Variants in FKTN observed in about 807,000 individuals in gnomAD.
The protein encoded by FKTN is fukutin.
Under a neutral mutation model 58.6 loss-of-function variants are expected in FKTN, and 47 were observed. The ratio of observed to expected loss-of-function variants is 0.80; its 90% CI spans 0.63 to 1.02. The LOEUF is 1.02. FKTN is among the 50% of genes least tolerant of loss of function. The pLI is 0.00. For synonymous variants in FKTN, 178 were observed against 191.9 expected (o/e 0.93, Z 0.60); for missense variants, 516 against 537.3 (o/e 0.96, Z 0.39).
intron 5 of FKTN, among the ~76,000 whole-genome samples, chr9:105,602,587 G>T (rs199549162): frequency 7.2e-5 from 11 of 152,186 alleles, no homozygotes; most frequent in African/African-American, 2.7e-4. Context: ...ACGGAGTCTC[G>T]CTGTGTCACC....
intron 3 of FKTN, among the ~76,000 whole-genome samples, chr9:105,577,777 A>G (rs373671235): frequency 1.0e-4 from 15 of 150,454 alleles, no homozygotes; most frequent in East Asian, 2.0e-4. Flanking sequence ...CCATTTTCAC[A>G]ATATTGATTC....
In FKTN at chr9:105,574,929, T is replaced by A. The variant is rs1229786594; in HGVS notation, c.-88-16T>A. The A allele has an allele frequency of 2.7e-6, 2 of 735,904 alleles. No homozygotes were observed. The highest frequency in any genetic ancestry group is 2.5e-6 in the Non-Finnish European group (1 of 400,876). 45.6% of individuals were successfully genotyped at this position (735,904 alleles called of 1,614,324 possible). A position where few individuals can be genotyped will look rare whatever the true frequency, so the allele number is the denominator to read the frequency against. Reference sequence around the variant, plus strand: ...AGAGGTTTTTGTTTCTTTAAAAATATCTTTTTTGTTCACAGAAAACAAAAT... The same window carrying A: ...AGAGGTTTTTGTTTCTTTAAAAATAACTTTTTTGTTCACAGAAAACAAAAT... On this transcript the variant is annotated splice_polypyrimidine_tract_variant and intron_variant, in intron 2 of 10. Transcript: ENST00000357998.
intron 1 of FKTN, among the ~76,000 whole-genome samples, chr9:105,564,480 C>A (rs1838977504): frequency 6.6e-6 from 1 of 152,202 alleles, no homozygotes; most frequent in African/African-American, 2.4e-5. Flanking sequence ...AAAACCATAG[C>A]ACGAGAACTA....
In FKTN at chr9:105,638,252, T is replaced by A; in HGVS notation, c.*2988T>A. 1.0e-6 allele frequency: 1 copy of A among 985,386 alleles called. No homozygotes were observed. Among genetic ancestry groups the A allele is most frequent in the Non-Finnish European group, 1.2e-6 (1 of 829,874 alleles). The allele number at this position is 985,386 out of a possible 1,614,324, so 61.0% of individuals were successfully genotyped here. A position where few individuals can be genotyped will look rare whatever the true frequency, so the allele number is the denominator to read the frequency against. Reference sequence around the variant, plus strand: ...GATGCTTAACAGAGAAGGCATCCAGTGCTTCATTGAGGCTAAGTCTCAGGG... The same window carrying A: ...GATGCTTAACAGAGAAGGCATCCAGAGCTTCATTGAGGCTAAGTCTCAGGG... On this transcript the variant is annotated 3_prime_UTR_variant, in exon 11 of 11. Transcript: ENST00000357998.
chr9:105,563,081 C>T (rs1364298498), intron 1 of FKTN, among the ~76,000 whole-genome samples: 2 of 152,174 alleles, frequency 1.3e-5, no homozygotes, highest in East Asian at 3.8e-4. Context: ...GAGGAGGTGT[C>T]AGGGTAAACC....
intron 3 of FKTN, among the ~76,000 whole-genome samples, chr9:105,584,910 A>C (rs1372082638): frequency 6.6e-6 from 1 of 152,064 alleles, no homozygotes; most frequent in Non-Finnish European, 1.5e-5. Context: ...AAATTTACTC[A>C]TGAGTTCAGA....
At chr9:105,561,973 T>C (rs1465897915) in intron 1 of FKTN, among the ~76,000 whole-genome samples, 2 of 152,134 alleles carry the variant, frequency 1.3e-5, no homozygotes, top group Non-Finnish European at 2.9e-5. Context: ...TCAGACGCAT[T>C]TTCTCTTTAT....
chr9:105,636,248 T>A lies in FKTN; in HGVS notation c.*984T>A, dbSNP rs908077682. 4.2e-5 allele frequency: 38 copies of A among 909,330 alleles called. 1 individual carries two copies. The highest frequency in any genetic ancestry group is 1.2e-4 in the East Asian group (1 of 8,446). 56.3% of individuals were successfully genotyped at this position (909,330 alleles called of 1,614,324 possible). ...ATACTCTAATTTTTAAAACATACTC[T>A]TTATTATCTTCATTTATCAATTACA... On this transcript the variant is annotated 3_prime_UTR_variant, in exon 11 of 11. Transcript: ENST00000357998.
At chr9:105,619,905 G>C (rs1831543346) in intron 9 of FKTN, 29 bp from the exon 10 acceptor site, 1 of 1,593,880 alleles carries the variant, frequency 6.3e-7, no homozygotes, top group African/African-American at 1.3e-5. Context: ...CTTTGTTTCA[G>C]TGTGTGAAGG....
At chr9:105,591,165 A>T (rs1208654401) in intron 3 of FKTN, among the ~76,000 whole-genome samples, 1 of 152,032 alleles carries the variant, frequency 6.6e-6, no homozygotes, top group Non-Finnish European at 1.5e-5. Flanking sequence ...ACAGATCTAA[A>T]CCATATTATT....
At chr9:105,605,539 A>G (rs760781840) in intron 6 of FKTN, among the ~76,000 whole-genome samples, 3 of 152,232 alleles carry the variant, frequency 2.0e-5, no homozygotes, top group African/African-American at 7.2e-5. Flanking sequence ...CATACACACA[A>G]TGGAGTACTA....
At chr9:105,559,553 G>C (rs1452942163) in intron 1 of FKTN, among the ~76,000 whole-genome samples, 1 of 151,866 alleles carries the variant, frequency 6.6e-6, no homozygotes, top group Non-Finnish European at 1.5e-5. Context: ...GTGTGGTGGC[G>C]GGCGCCTGTA....
chr9:105,615,416 C>G lies in FKTN; in HGVS notation c.910+9C>G, dbSNP rs1261411883. On this transcript the variant is annotated intron_variant, in intron 8 of 10. Coordinates refer to ENST00000357998, the MANE Select transcript of FKTN (RefSeq NM_001079802.2). ...CAGTGGAACTTGTCTAGGTAAAATTCTTACGACTTTCCATTTGTCTTTCTG... is the reference window on the plus strand; with the variant it reads ...CAGTGGAACTTGTCTAGGTAAAATTGTTACGACTTTCCATTTGTCTTTCTG... The G allele has an allele frequency of 5.0e-6, 8 of 1,613,660 alleles. No homozygotes were observed. The highest frequency in any genetic ancestry group is 1.7e-5 in the Admixed American group (1 of 60,000).
At chr9:105,624,111 A>G (rs1189635837) in intron 10 of FKTN, among the ~76,000 whole-genome samples, 3 of 152,216 alleles carry the variant, frequency 2.0e-5, no homozygotes, top group Non-Finnish European at 2.9e-5. Context: ...ACATATTGCC[A>G]GGTTGCATTC....
In FKTN at chr9:105,639,235, A is replaced by C. The variant is rs1834261285; in HGVS notation, c.*3971A>C. ...GAATTTCTCAAGAAAAATCCCAGCA[A>C]CGTTCCCTCTTTCCTCCTTGTCTTC... On this transcript the variant is annotated 3_prime_UTR_variant, in exon 11 of 11. Coordinates refer to ENST00000357998, the MANE Select transcript of FKTN (RefSeq NM_001079802.2). The C allele has an allele frequency of 2.0e-6, 2 of 985,288 alleles. No homozygotes were observed. 61.0% of individuals were successfully genotyped at this position (985,288 alleles called of 1,614,324 possible).
chr9:105,583,158 G>T (rs1441543095), intron 3 of FKTN, among the ~76,000 whole-genome samples: 1 of 152,198 alleles, frequency 6.6e-6, no homozygotes, highest in African/African-American at 2.4e-5. Context: ...TGTCAGGTCA[G>T]CTTACCTATA....
chr9:105,605,281 CA>C (rs1325687174), intron 6 of FKTN, among the ~76,000 whole-genome samples: 2 of 151,938 alleles, frequency 1.3e-5, no homozygotes, highest in African/African-American at 2.4e-5. Context: ...GATTATAAGA[CA>C]GTATATTGAT....
intron 1 of FKTN, among the ~76,000 whole-genome samples, chr9:105,564,413 G>A (rs1023931795): frequency 4.6e-5 from 7 of 152,150 alleles, no homozygotes; most frequent in African/African-American, 1.2e-4. Flanking sequence ...AAGATTAGAC[G>A]AATGGCTAAC....
Position 105,637,264 on chromosome 9 carries a change from T to A in FKTN, c.*2000T>A, listed in dbSNP as rs932507340. 114 of 985,502 alleles carry A rather than the reference T, an allele frequency of 1.2e-4. No individual in the cohort carries two copies. Among genetic ancestry groups the A allele is most frequent in the Admixed American group, 1.8e-4 (3 of 16,370 alleles). 61.0% of individuals were successfully genotyped at this position (985,502 alleles called of 1,614,324 possible). The stretch of plus-strand genomic sequence containing the variant: ...ACTCCCATTCTTTGCCAGGAGATCT[T>A]ACCCATCCCTTTTCAGATTAATCTT... On this transcript the variant is annotated 3_prime_UTR_variant, in exon 11 of 11. Transcript: ENST00000357998.
Sources: allele counts gnomAD v4.1 joint callset (sites outside exome capture counted in the v4.1 genomes callset), GRCh38; gene constraint gnomAD v4.1.1; transcripts MANE v1.5; gene names NCBI Gene and HGNC (gene_info 2026-07-23, HGNC 2026-07-21).